The following TOP1MT variants were observed in gnomAD, a reference collection of about 807,000 sequenced individuals.
TOP1MT encodes DNA topoisomerase I, mitochondrial.
Under a neutral mutation model 73.9 loss-of-function variants are expected in TOP1MT, and 80 were observed. The observed-to-expected ratio is 1.08, with a 90% CI of 0.90 to 1.30. The LOEUF (loss-of-function observed/expected upper bound fraction) is 1.30. TOP1MT is among the 50% of genes most tolerant of loss of function. TOP1MT has a pLI of 0.00. For synonymous variants in TOP1MT, 338 were observed against 326.4 expected (o/e 1.04, Z -0.38); for missense variants, 815 against 808.0 (o/e 1.01, Z -0.10).
chr8:143,334,881 A>G (rs2956274), upstream of TOP1MT: 1,229,490 of 1,454,070 alleles, frequency 0.85, 520,716 homozygotes, highest in South Asian at 0.92. Flanking sequence ...TCCGGGAAAG[A>G]GCGACAAGCT....
At chr8:143,309,854 C>T (rs1210519993) in intron 13 of TOP1MT, 1 of 1,536,386 alleles carries the variant, frequency 6.5e-7, no homozygotes, top group African/African-American at 1.4e-5. Flanking sequence ...AGGCCACTGT[C>T]AGCACCCCCA....
Position 143,321,406 on chromosome 8 carries a change from C to A in TOP1MT, c.961-20G>T. 1 of 1,564,376 alleles carries A rather than the reference C, an allele frequency of 6.4e-7. No individual in the cohort carries two copies. Among genetic ancestry groups the A allele is most frequent in the South Asian group, 1.2e-5 (1 of 85,686 alleles). On this transcript the variant is annotated intron_variant, in intron 7 of 13. Coordinates refer to ENST00000329245, the MANE Select transcript of TOP1MT (RefSeq NM_052963.3). The stretch of plus-strand genomic sequence containing the variant: ...TGCCAGCTAGTTGGTGGGGAATGGT[C>A]AAAGTGGGTGGTGCGTGCACACGCA...
intron 2 of TOP1MT, 59 bp from the exon 3 acceptor site, chr8:143,329,530 G>T (rs1816796564): frequency 6.3e-7 from 1 of 1,576,116 alleles, no homozygotes; most frequent in East Asian, 2.3e-5. Flanking sequence ...GCCTCCAGCT[G>T]ACATGACCTC....
At chr8:143,342,292 G>A (rs1393288715) in intron 2 of TOP1MT, among the ~76,000 whole-genome samples, 3 of 126,784 alleles carry the variant, frequency 2.4e-5, no homozygotes, top group South Asian at 2.3e-4. Context: ...ACAGAGTCTC[G>A]CTGTTATTAT....
upstream of TOP1MT, among the ~76,000 whole-genome samples, chr8:143,348,650 T>C (rs577876072): frequency 1.5e-3 from 226 of 152,062 alleles, no homozygotes; most frequent in African/African-American, 5.3e-3. This position sits in a 1 kb window ranked among gnomAD's most constrained non-coding sequence, Gnocchi z 4.6. Context: ...TCTAGCCCCA[T>C]GCGCCGCTGA....
chr8:143,328,129 A>G (rs567317489), intron 3 of TOP1MT: 2 of 426,214 alleles, frequency 4.7e-6, no homozygotes, highest in East Asian at 7.1e-5. Flanking sequence ...TACAAACACC[A>G]TGAAAGATTT....
chr8:143,329,278 C>T (rs1816786889), intron 3 of TOP1MT, 72 bp downstream of exon 3: 1 of 1,473,706 alleles, frequency 6.8e-7, no homozygotes, highest in South Asian at 1.4e-5. Context: ...CGTTCAGAGG[C>T]AGCACTGCAG....
chr8:143,353,831 G>T (rs193216228), intron 1 of TOP1MT, among the ~76,000 whole-genome samples: 453 of 151,712 alleles, frequency 3.0e-3, no homozygotes, highest in Non-Finnish European at 3.7e-3. Context: ...AGGCGTGGTG[G>T]CGGGTGCCTG....
chr8:143,324,175 T>A, intron 6 of TOP1MT, 33 bp from the exon 7 acceptor site: 2 of 1,609,114 alleles, frequency 1.2e-6, no homozygotes. Flanking sequence ...AAGAAAACAT[T>A]CACATTCCTG....
chr8:143,347,970 C>A (rs1304929409), upstream of TOP1MT, among the ~76,000 whole-genome samples: 1 of 152,190 alleles, frequency 6.6e-6, no homozygotes, highest in African/African-American at 2.4e-5. Flanking sequence ...GGGGTGGCTG[C>A]CATGGAGGGT....
At position 143,322,682 on chromosome 8, in the gene TOP1MT, ACACACGCACGC is replaced by A. The variant is rs1295791341; in HGVS notation, c.960+1306_961-1297del. 1.8e-4 allele frequency among the ~76,000 whole-genome samples: 16 copies of A among 88,092 alleles called. 1 individual carries two copies. Among genetic ancestry groups the A allele is most frequent in the Non-Finnish European group, 2.0e-4 (10 of 49,150 alleles). The allele number at this position is 88,092 out of a possible 152,430, so 57.8% of individuals were successfully genotyped here. A position where few individuals can be genotyped will look rare whatever the true frequency, so the allele number is the denominator to read the frequency against. On this transcript the variant is annotated intron_variant, in intron 7 of 13. Transcript: ENST00000329245. Reference sequence around the variant, plus strand: ...CACACGCACGCCACACACGCACGCCACACACGCACGCCACACGCACGCCACACGCACGCCAC... The same window carrying A: ...CACACGCACGCCACACACGCACGCCACACACGCACGCCACACGCACGCCAC...
chr8:143,324,253 G>T, intron 6 of TOP1MT, 111 bp from the exon 7 acceptor site: 2 of 1,470,428 alleles, frequency 1.4e-6, no homozygotes, highest in Non-Finnish European at 1.9e-6. Context: ...CAGTGGTGCC[G>T]TGGTCAGGGG....
intron 12 of TOP1MT, among the ~76,000 whole-genome samples, chr8:143,313,257 GAAGA>G (rs1454970646): frequency 6.6e-6 from 1 of 152,170 alleles, no homozygotes; most frequent in East Asian, 1.9e-4. Flanking sequence ...CAACAAGAAA[GAAGA>G]AAGATGTGGC....
intron 12 of TOP1MT, among the ~76,000 whole-genome samples, chr8:143,311,117 A>ATTTTTT (rs769172231): frequency 1.3e-4 from 14 of 106,820 alleles, no homozygotes; most frequent in Non-Finnish European, 2.0e-4. Flanking sequence ...CACGCACATG[A>ATTTTTT]TTTTTTTTTT....
chr8:143,324,145 A>G lies in TOP1MT; in HGVS notation c.817-3T>C. 6.2e-7 allele frequency: 1 copy of G among 1,612,702 alleles called. No individual in the cohort carries two copies. The highest frequency in any genetic ancestry group is 8.5e-7 in the Non-Finnish European group (1 of 1,179,754). The stretch of plus-strand genomic sequence containing the variant: ...AACTTCTGCCAAGCTGTCTCCCCCT[A>G]AACGAAGAAAATAACAGGAAAGAAA... On this transcript the variant is annotated splice_region_variant and splice_polypyrimidine_tract_variant and intron_variant, in intron 6 of 13. Transcript: ENST00000329245.
chr8:143,348,773 T>TGACA (rs1315685446), upstream of TOP1MT, among the ~76,000 whole-genome samples: 1 of 152,054 alleles, frequency 6.6e-6, no homozygotes, highest in Non-Finnish European at 1.5e-5. This position sits in a 1 kb window ranked among gnomAD's most constrained non-coding sequence, Gnocchi z 4.6. Flanking sequence ...GGACGCCAGC[T>TGACA]GACAGCCAGC....
At chr8:143,317,063 G>A (rs190798085) in intron 10 of TOP1MT, among the ~76,000 whole-genome samples, 10 of 152,360 alleles carry the variant, frequency 6.6e-5, no homozygotes, top group South Asian at 2.1e-4. Context: ...CATGCCGAGC[G>A]TCAGCGCCCC....
chr8:143,309,935 T>G (rs61745892), intron 13 of TOP1MT, 133 bp downstream of exon 13: 1 of 1,595,260 alleles, frequency 6.3e-7, no homozygotes, highest in Non-Finnish European at 8.5e-7. Context: ...CATGGGTCCC[T>G]GTCACAGGGA....
upstream of TOP1MT, among the ~76,000 whole-genome samples, chr8:143,357,908 C>T (rs1249523747): frequency 2.8e-5 from 4 of 145,370 alleles, no homozygotes; most frequent in Admixed American, 7.0e-5. Context: ...GTGACAGGAG[C>T]GAAACTCCGT....
Sources: gnomAD v4.1 joint callset for allele counts (sites outside exome capture counted in the v4.1 genomes callset) on GRCh38, gnomAD v4.1.1 for gene constraint, Gnocchi (gnomAD v3.1) non-coding constraint, MANE v1.5 for transcripts, NCBI Gene and HGNC (gene_info 2026-07-23, HGNC 2026-07-21) for gene names.